CHCHD3: variants seen among roughly 807,000 people sequenced by gnomAD.
The protein encoded by CHCHD3 is coiled-coil-helix-coiled-coil-helix domain containing 3.
A neutral mutation model predicts 38.2 loss-of-function variants in CHCHD3; 20 were observed. The ratio of observed to expected loss-of-function variants is 0.52; its 90% CI spans 0.37 to 0.76. The LOEUF is 0.76. Among genes scored for constraint, CHCHD3 ranks in the 30% least tolerant of loss-of-function variants. CHCHD3 has a pLI of 0.00. For synonymous variants in CHCHD3, 82 were observed against 100.0 expected (o/e 0.82, Z 1.07); for missense variants, 245 against 279.2 (o/e 0.88, Z 0.87).
chr7:132,868,769 A>G (rs1808693065), intron 5 of CHCHD3, among the ~76,000 whole-genome samples: 1 of 152,188 alleles, frequency 6.6e-6, no homozygotes, highest in South Asian at 2.1e-4. Flanking sequence ...GGTTTTCAAG[A>G]AAAGACCTTT....
chr7:132,817,059 G>A (rs1427012004), intron 6 of CHCHD3, among the ~76,000 whole-genome samples: 1 of 152,126 alleles, frequency 6.6e-6, no homozygotes, highest in African/African-American at 2.4e-5. Context: ...CTTTACCTGG[G>A]AACTAAAAGA....
intron 5 of CHCHD3, among the ~76,000 whole-genome samples, chr7:132,880,723 A>G (rs1036448578): frequency 4.6e-5 from 7 of 152,192 alleles, no homozygotes; most frequent in African/African-American, 1.7e-4. Context: ...ATAACTAATC[A>G]CAAGTATTAT....
At chr7:132,943,189 A>G (rs1203520315) in intron 4 of CHCHD3, among the ~76,000 whole-genome samples, 1 of 152,168 alleles carries the variant, frequency 6.6e-6, no homozygotes, top group Non-Finnish European at 1.5e-5. Context: ...TGCACAAAGA[A>G]CAACAAAGAG....
intron 4 of CHCHD3, among the ~76,000 whole-genome samples, chr7:132,962,886 C>T (rs1205359680): frequency 1.3e-5 from 2 of 152,104 alleles, no homozygotes; most frequent in Non-Finnish European, 2.9e-5. Context: ...TTTTAAGACA[C>T]ATCAACTATA....
intron 6 of CHCHD3, among the ~76,000 whole-genome samples, chr7:132,834,670 AG>A (rs1807731996): frequency 6.6e-6 from 1 of 152,192 alleles, no homozygotes. Flanking sequence ...AATCAGCCAA[AG>A]GAAGAGATGC....
At chr7:132,894,284 A>G (rs2117189570) in intron 4 of CHCHD3, among the ~76,000 whole-genome samples, 2 of 152,280 alleles carry the variant, frequency 1.3e-5, no homozygotes, top group Middle Eastern at 3.4e-3. Context: ...TTCTAGTTTT[A>G]TTTCATAATT....
intron 4 of CHCHD3, among the ~76,000 whole-genome samples, chr7:132,959,573 A>C (rs564657398): frequency 6.6e-6 from 1 of 152,160 alleles, no homozygotes; most frequent in East Asian, 1.9e-4. Flanking sequence ...AAATACAAAA[A>C]TTAGCAAGGC....
intron 6 of CHCHD3, among the ~76,000 whole-genome samples, chr7:132,805,562 C>G (rs1471936218): frequency 3.3e-5 from 5 of 152,088 alleles, no homozygotes; most frequent in Admixed American, 6.5e-5. Context: ...CAAGAAGAGA[C>G]AGCACACCTA....
At chr7:133,033,942 C>T (rs541290491) in intron 2 of CHCHD3, among the ~76,000 whole-genome samples, 1 of 118,762 alleles carries the variant, frequency 8.4e-6, no homozygotes, top group Admixed American at 8.3e-5. Context: ...CCTAAACACT[C>T]CAGGTCTCTG....
chr7:133,013,641 T>C (rs2117417417), intron 3 of CHCHD3, among the ~76,000 whole-genome samples: 1 of 152,314 alleles, frequency 6.6e-6, no homozygotes, highest in Middle Eastern at 3.4e-3. Context: ...TCTACTTGAA[T>C]CTATATATGC....
chr7:132,883,500 G>GA (rs1311614915), intron 5 of CHCHD3, among the ~76,000 whole-genome samples: 1 of 152,134 alleles, frequency 6.6e-6, no homozygotes, highest in Non-Finnish European at 1.5e-5. Context: ...TACAACGAGG[G>GA]AGCCAAATCA....
At chr7:132,984,586 C>G (rs1812031492) in intron 3 of CHCHD3, among the ~76,000 whole-genome samples, 1 of 148,228 alleles carries the variant, frequency 6.7e-6, no homozygotes, top group African/African-American at 2.5e-5. Context: ...AGGAGCGTCT[C>G]TGCCCGGCCG....
At chr7:132,941,923 T>A (rs1231866833) in intron 4 of CHCHD3, among the ~76,000 whole-genome samples, 2 of 152,210 alleles carry the variant, frequency 1.3e-5, no homozygotes, top group African/African-American at 4.8e-5. Flanking sequence ...CACTTTCACA[T>A]ATCTCTTCAA....
chr7:132,906,900 G>A (rs1809816579), intron 4 of CHCHD3, among the ~76,000 whole-genome samples: 1 of 152,118 alleles, frequency 6.6e-6, no homozygotes, highest in South Asian at 2.1e-4. Context: ...TGGGTAGAAT[G>A]GCCAGGACAC....
At chr7:132,832,892 C>T (rs553140800) in intron 6 of CHCHD3, among the ~76,000 whole-genome samples, 4 of 152,200 alleles carry the variant, frequency 2.6e-5, no homozygotes, top group South Asian at 2.1e-4. Flanking sequence ...CTTTATGTGC[C>T]GGTCATCCTG....
intron 4 of CHCHD3, among the ~76,000 whole-genome samples, chr7:132,958,786 G>C (rs1240582234): frequency 6.6e-6 from 1 of 152,150 alleles, no homozygotes; most frequent in Non-Finnish European, 1.5e-5. Flanking sequence ...TATAATCTGT[G>C]AGCACAGGTA....
chr7:132,830,145 G>C (rs1187555471), intron 6 of CHCHD3, among the ~76,000 whole-genome samples: 1 of 152,116 alleles, frequency 6.6e-6, no homozygotes, highest in East Asian at 1.9e-4. Flanking sequence ...AATTTTAGAA[G>C]GGGGGAAAAA....
At chr7:132,787,224 A>G (rs1806342703) in intron 7 of CHCHD3, among the ~76,000 whole-genome samples, 1 of 152,184 alleles carries the variant, frequency 6.6e-6, no homozygotes, top group African/African-American at 2.4e-5. Context: ...CCAGGCTGAG[A>G]CATGTCCTGC....
At chr7:133,076,055 T>G (rs1037079998) in intron 1 of CHCHD3, among the ~76,000 whole-genome samples, 1 of 78,248 alleles carries the variant, frequency 1.3e-5, no homozygotes, top group African/African-American at 5.6e-5. Flanking sequence ...TGAGATTCTA[T>G]CTCAAAAAAA....
Sources: gnomAD v4.1 joint callset for allele counts (sites outside exome capture counted in the v4.1 genomes callset) on GRCh38, gnomAD v4.1.1 for gene constraint, MANE v1.5 for transcripts, NCBI Gene and HGNC (gene_info 2026-07-23, HGNC 2026-07-21) for gene names.